Variants in LRRC7 observed in about 807,000 individuals in gnomAD.
LRRC7 encodes leucine rich repeat containing 7.
LRRC7 carries 23 observed loss-of-function variants against 175.7 expected under a neutral mutation model. That is an observed-to-expected ratio of 0.13 (90% confidence interval 0.09 to 0.19). LRRC7 has a LOEUF of 0.19. Among genes scored for constraint, LRRC7 ranks in the 10% least tolerant of loss-of-function variants. The pLI is 1.00. For synonymous variants in LRRC7, 685 were observed against 680.9 expected, an observed-to-expected ratio of 1.01 and a Z score of -0.09; for missense variants, 1,354 against 1,904.7, an observed-to-expected ratio of 0.71 and a Z score of 5.38.
chr1:70,116,329 C>A (rs1229368614), intron 26 of LRRC7, among the ~76,000 whole-genome samples: 1 of 152,102 alleles, frequency 6.6e-6, no homozygotes, highest in African/African-American at 2.4e-5. Flanking sequence ...AGGCGCATCA[C>A]GAGGTCAGGA....
chr1:69,916,398 T>G (rs537632158), intron 7 of LRRC7, among the ~76,000 whole-genome samples: 2 of 149,608 alleles, frequency 1.3e-5, no homozygotes, highest in Non-Finnish European at 3.0e-5. Context: ...ATCATTTGAA[T>G]TTTTAAAAAA....
At chr1:69,931,004 A>G (rs894736469) in intron 7 of LRRC7, among the ~76,000 whole-genome samples, 2 of 152,198 alleles carry the variant, frequency 1.3e-5, no homozygotes, top group Non-Finnish European at 2.9e-5. Flanking sequence ...CAGTGTGACA[A>G]CTATTCATAG....
chr1:69,768,548 C>T (rs1396669795), intron 3 of LRRC7, among the ~76,000 whole-genome samples: 4 of 152,160 alleles, frequency 2.6e-5, no homozygotes, highest in Non-Finnish European at 5.9e-5. Flanking sequence ...AAGATACTGC[C>T]TAACTACTTT....
chr1:69,668,194 G>C (rs1406508555), intron 1 of LRRC7, among the ~76,000 whole-genome samples: 1 of 152,048 alleles, frequency 6.6e-6, no homozygotes, highest in Admixed American at 6.6e-5. Flanking sequence ...TGTGCAGAAT[G>C]TGTAGTTTTG....
intron 8 of LRRC7, among the ~76,000 whole-genome samples, chr1:69,940,279 G>A (rs1037748386): frequency 6.6e-6 from 1 of 152,054 alleles, no homozygotes; most frequent in Non-Finnish European, 1.5e-5. Context: ...TCCTTTTCTT[G>A]CTCTTGAATT....
At chr1:70,024,862 A>T (rs959675548) in intron 17 of LRRC7, among the ~76,000 whole-genome samples, 1 of 152,162 alleles carries the variant, frequency 6.6e-6, no homozygotes, top group South Asian at 2.1e-4. Context: ...GAACTTCCAA[A>T]CATAATACAA....
chr1:70,069,018 A>G (rs1292407193), intron 23 of LRRC7, among the ~76,000 whole-genome samples: 1 of 152,158 alleles, frequency 6.6e-6, no homozygotes, highest in Admixed American at 6.6e-5. Context: ...TTTAAATTAC[A>G]GGTTTTATTT....
chr1:69,842,586 G>T (rs74730482), intron 7 of LRRC7, among the ~76,000 whole-genome samples: 5,067 of 152,156 alleles, frequency 0.033, 125 homozygotes, highest in Middle Eastern at 0.068. Flanking sequence ...AATTACTGGG[G>T]TAATATCAGT....
At chr1:69,709,029 C>T (rs1486666862) in intron 2 of LRRC7, among the ~76,000 whole-genome samples, 1 of 152,156 alleles carries the variant, frequency 6.6e-6, no homozygotes, top group Non-Finnish European at 1.5e-5. Context: ...AAAAGGCTTC[C>T]CTGTTACTTC....
At chr1:69,837,955 A>C (rs898859044) in intron 6 of LRRC7, among the ~76,000 whole-genome samples, 2 of 151,766 alleles carry the variant, frequency 1.3e-5, no homozygotes, top group East Asian at 1.9e-4. Context: ...TTATGGGTAC[A>C]TATAGTTGTA....
chr1:69,834,014 A>G (rs1680837260), intron 5 of LRRC7, among the ~76,000 whole-genome samples: 1 of 152,172 alleles, frequency 6.6e-6, no homozygotes, highest in Non-Finnish European at 1.5e-5. Context: ...ATAGAAATTT[A>G]CTAATAAAAA....
chr1:69,741,654 A>G (rs1225547283), intron 2 of LRRC7, among the ~76,000 whole-genome samples: 5 of 151,928 alleles, frequency 3.3e-5, no homozygotes, highest in African/African-American at 9.7e-5. Context: ...CTAGCCTCCA[A>G]AAGTATTCAG....
chr1:69,970,785 C>G (rs569025810), intron 8 of LRRC7, among the ~76,000 whole-genome samples: 1 of 152,168 alleles, frequency 6.6e-6, no homozygotes, highest in South Asian at 2.1e-4. Context: ...TGTATGAAAC[C>G]ATTATCACCC....
chr1:69,833,043 T>C, intron 5 of LRRC7, among the ~76,000 whole-genome samples: 1 of 150,354 alleles, frequency 6.7e-6, no homozygotes, highest in Non-Finnish European at 1.5e-5. Flanking sequence ...AGGCGGAGGT[T>C]GCAGTGAGCC....
At chr1:69,947,118 A>AATAAATAC (rs201805921) in intron 8 of LRRC7, among the ~76,000 whole-genome samples, 83 of 150,094 alleles carry the variant, frequency 5.5e-4, no homozygotes, top group East Asian at 4.0e-3. Flanking sequence ...AAAATAAATA[A>AATAAATAC]ATAAATAAAT....
intron 6 of LRRC7, 79 bp from the exon 7 acceptor site, chr1:69,838,148 G>A (rs1271004167): frequency 2.2e-6 from 2 of 918,732 alleles, no homozygotes; most frequent in East Asian, 2.5e-5. Flanking sequence ...ACCCTATAGT[G>A]CTACCAAATA....
intron 8 of LRRC7, among the ~76,000 whole-genome samples, chr1:69,950,343 A>G (rs1649790169): frequency 4.6e-5 from 7 of 152,134 alleles, no homozygotes; most frequent in Admixed American, 4.6e-4. Flanking sequence ...CGGAAGAGAT[A>G]ACAACTCATA....
chr1:69,652,424 G>T (rs1467608636), intron 1 of LRRC7, among the ~76,000 whole-genome samples: 2 of 152,090 alleles, frequency 1.3e-5, no homozygotes, highest in Non-Finnish European at 2.9e-5. Flanking sequence ...GGAAGCAAAA[G>T]ACCTGTAAAC....
At chr1:69,858,224 C>G (rs1250355873) in intron 7 of LRRC7, among the ~76,000 whole-genome samples, 1 of 152,078 alleles carries the variant, frequency 6.6e-6, no homozygotes, top group Admixed American at 6.6e-5. Context: ...GTCTAAAACA[C>G]CAAAAGCAAT....
Sources: gnomAD v4.1 joint callset for allele counts (sites outside exome capture counted in the v4.1 genomes callset) on GRCh38, gnomAD v4.1.1 for gene constraint, MANE v1.5 for transcripts, NCBI Gene and HGNC (gene_info 2026-07-23, HGNC 2026-07-21) for gene names.